The following KCNB2 variants were observed in gnomAD, a reference collection of about 807,000 sequenced individuals.
The protein encoded by KCNB2 is delayed rectifier potassium channel protein.
A neutral mutation model predicts 61.5 loss-of-function variants in KCNB2; 15 were observed. That is an observed-to-expected ratio of 0.24 (90% CI 0.16 to 0.38). The LOEUF is 0.38. Ranked by LOEUF, KCNB2 falls within the 10% of genes least tolerant of loss-of-function variation. The probability of loss-of-function intolerance (pLI) is 1.00; values close to 1 mark genes in which losing one functional copy is unlikely to be tolerated. For synonymous variants in KCNB2, 457 were observed against 446.0 expected (o/e 1.02, Z -0.31); for missense variants, 828 against 1,125.2 (o/e 0.74, Z 3.78).
intron 2 of KCNB2, among the ~76,000 whole-genome samples, chr8:72,821,107 T>C (rs1809490914): frequency 6.6e-6 from 1 of 152,192 alleles, no homozygotes; most frequent in Non-Finnish European, 1.5e-5. Flanking sequence ...CAAAAGGCGA[T>C]ATTATCCAAT....
Position 72,778,351 on chromosome 8 carries a change from C to T in KCNB2, c.580-157584C>T, listed in dbSNP as rs117992206. Among the ~76,000 whole-genome samples, 1,362 of 152,206 alleles carry T rather than the reference C, an allele frequency of 8.9e-3. 10 individuals are homozygous for T. Among genetic ancestry groups the T allele is most frequent in the Non-Finnish European group, 0.013 (862 of 68,008 alleles). ...ACCAATCCTTTCGGTGCAGCAGTTACCTCACCTTCCTTGAGGGAGGGGAAG... is the reference window on the plus strand; with the variant it reads ...ACCAATCCTTTCGGTGCAGCAGTTATCTCACCTTCCTTGAGGGAGGGGAAG... On this transcript the variant is annotated intron_variant, in intron 2 of 2. Coordinates refer to ENST00000523207, the MANE Select transcript of KCNB2 (RefSeq NM_004770.3).
chr8:72,920,467 A>ATGTGTGTG (rs1333914273), intron 2 of KCNB2, among the ~76,000 whole-genome samples: 1 of 88,666 alleles, frequency 1.1e-5, no homozygotes. Context: ...CTATCTATCT[A>ATGTGTGTG]TCTATCTATA....
chr8:72,553,419 G>A (rs1424887563), intron 1 of KCNB2, among the ~76,000 whole-genome samples: 1 of 149,488 alleles, frequency 6.7e-6, no homozygotes, highest in African/African-American at 2.5e-5. Flanking sequence ...TCATAATAAA[G>A]TACAAAGAAA....
chr8:72,742,144 A>G (rs1807970449), intron 2 of KCNB2, among the ~76,000 whole-genome samples: 1 of 152,194 alleles, frequency 6.6e-6, no homozygotes, highest in Non-Finnish European at 1.5e-5. Context: ...TATTTCTGCT[A>G]CCCTGTTTTT....
intron 2 of KCNB2, among the ~76,000 whole-genome samples, chr8:72,710,707 C>G (rs769648063): frequency 6.6e-6 from 1 of 152,126 alleles, no homozygotes; most frequent in Non-Finnish European, 1.5e-5. Context: ...TTATGTATTA[C>G]GTTACCTCCT....
intron 2 of KCNB2, among the ~76,000 whole-genome samples, chr8:72,637,281 C>A (rs1278298096): frequency 6.6e-6 from 1 of 152,176 alleles, no homozygotes; most frequent in African/African-American, 2.4e-5. Context: ...TCTTAAAAAA[C>A]CTGTATTTTA....
intron 2 of KCNB2, among the ~76,000 whole-genome samples, chr8:72,613,174 T>C (rs1049466694): frequency 6.6e-6 from 1 of 152,120 alleles, no homozygotes; most frequent in African/African-American, 2.4e-5. Context: ...TAAATCTGAA[T>C]TTAGAAAGAT....
chr8:72,763,987 G>C (rs1585879428), intron 2 of KCNB2, among the ~76,000 whole-genome samples: 2 of 152,052 alleles, frequency 1.3e-5, no homozygotes, highest in African/African-American at 4.8e-5. Flanking sequence ...ACCTTGTCTT[G>C]TTCAGGAATT....
At chr8:72,592,943 G>A (rs1807125142) in intron 2 of KCNB2, among the ~76,000 whole-genome samples, 1 of 152,142 alleles carries the variant, frequency 6.6e-6, no homozygotes, top group South Asian at 2.1e-4. Flanking sequence ...TCTGGTGTAA[G>A]CATTTATAAG....
chr8:72,667,286 C>G, intron 2 of KCNB2, among the ~76,000 whole-genome samples: 1 of 152,076 alleles, frequency 6.6e-6, no homozygotes. Flanking sequence ...GGTGCTGATT[C>G]CTCTCTCTTG....
At chr8:72,805,460 T>A (rs568783755) in intron 2 of KCNB2, among the ~76,000 whole-genome samples, 1 of 152,212 alleles carries the variant, frequency 6.6e-6, no homozygotes, top group Admixed American at 6.5e-5. Flanking sequence ...GTGGATCCCC[T>A]AAGGGAATTA....
chr8:72,654,491 A>G (rs1192619169), intron 2 of KCNB2, among the ~76,000 whole-genome samples: 1 of 152,182 alleles, frequency 6.6e-6, no homozygotes, highest in Non-Finnish European at 1.5e-5. Context: ...ATGTAATTGT[A>G]TTCTAATACC....
At chr8:72,539,837 T>C (rs1031778755) in intron 1 of KCNB2, among the ~76,000 whole-genome samples, 5 of 152,220 alleles carry the variant, frequency 3.3e-5, no homozygotes, top group African/African-American at 1.2e-4. Flanking sequence ...TAGAAATTAT[T>C]ACTTTATCCA....
At chr8:72,733,709 A>G (rs1807789405) in intron 2 of KCNB2, among the ~76,000 whole-genome samples, 1 of 152,120 alleles carries the variant, frequency 6.6e-6, no homozygotes, top group Non-Finnish European at 1.5e-5. Context: ...TAGGACAGCA[A>G]GGAAGAGGAG....
chr8:72,822,309 G>A (rs2129001182), intron 2 of KCNB2, among the ~76,000 whole-genome samples: 1 of 152,290 alleles, frequency 6.6e-6, no homozygotes, highest in Non-Finnish European at 1.5e-5. Context: ...AGATGGGGAG[G>A]GCCAGTGTCA....
intron 2 of KCNB2, among the ~76,000 whole-genome samples, chr8:72,694,113 AC>A (rs1201920327): frequency 6.6e-6 from 1 of 152,248 alleles, no homozygotes; most frequent in Non-Finnish European, 1.5e-5. Flanking sequence ...TATCATAACT[AC>A]ATCATGAACT....
At chr8:72,694,804 CTT>C (rs1367472150) in intron 2 of KCNB2, among the ~76,000 whole-genome samples, 3 of 151,450 alleles carry the variant, frequency 2.0e-5, no homozygotes, top group Non-Finnish European at 4.4e-5. Context: ...TAAAAGTACA[CTT>C]TTAATTAATA....
intron 1 of KCNB2, among the ~76,000 whole-genome samples, chr8:72,544,845 C>T (rs1332306827): frequency 6.6e-6 from 1 of 152,158 alleles, no homozygotes; most frequent in Non-Finnish European, 1.5e-5. Context: ...AAGCTCTCTG[C>T]ATCCAGCTGA....
intron 2 of KCNB2, among the ~76,000 whole-genome samples, chr8:72,776,134 A>G (rs1808645089): frequency 6.6e-6 from 1 of 152,048 alleles, no homozygotes; most frequent in Non-Finnish European, 1.5e-5. Flanking sequence ...CATCATTCTC[A>G]GCAAACTATC....
Sources: allele counts gnomAD v4.1 joint callset (sites outside exome capture counted in the v4.1 genomes callset), GRCh38; gene constraint gnomAD v4.1.1; transcripts MANE v1.5; gene names NCBI Gene and HGNC (gene_info 2026-07-23, HGNC 2026-07-21).